The following OR2V2 variants were observed in gnomAD, a reference collection of about 807,000 sequenced individuals.
OR2V2 encodes olfactory receptor family 2 subfamily V member 2, also known as olfactory receptor 2V2.
For missense variants in OR2V2, 392 were observed against 392.2 expected (o/e 1.00, Z 0.00); for synonymous variants, 161 against 151.3 (o/e 1.06, Z -0.47).
chr5:181,155,340 A>C lies in OR2V2; in HGVS notation c.398A>C (p.Tyr133Ser), dbSNP rs759284677. The C allele has an allele frequency of 6.2e-7, 1 of 1,614,048 alleles. No homozygotes were observed. Among genetic ancestry groups the C allele is most frequent in the Non-Finnish European group, 8.5e-7 (1 of 1,179,992 alleles). ...GTGGCCATTAGCCACCCACTTCACT[A>C]TCCCATCCTCATGAATCAGAGGGTC... Reference protein sequence around the residue: ...RYVAISHPLHYPILMNQRVCL... With the variant: ...RYVAISHPLHSPILMNQRVCL... Residue 133 changes from tyrosine (Y) to serine (S), a missense_variant, in exon 2 of 2, where the codon TAT (tyrosine) becomes TCT (serine). Transcript: ENST00000641492.
chr5:181,151,500 G>A (rs956221273), intron 1 of OR2V2, among the ~76,000 whole-genome samples: 2 of 152,220 alleles, frequency 1.3e-5, no homozygotes, highest in African/African-American at 4.8e-5. Context: ...GGTGCCACGT[G>A]CATGGGAAGG....
chr5:181,155,010 C>T lies in OR2V2; in HGVS notation c.68C>T (p.Thr23Ile), dbSNP rs756871080. The change falls in exon 2 of 2, where the codon ACT becomes ATT. Residue 23 changes from threonine to isoleucine, a missense_variant. Thr to Ile is a moderately conservative substitution (Grantham distance 89). Coordinates refer to ENST00000641492, the MANE Select transcript of OR2V2 (RefSeq NM_206880.2). The stretch of plus-strand genomic sequence containing the variant: ...CTCTTAGGCATCTTCTCCCACAGTA[C>T]TGCTGACCTTGTCCTCTTCTCCGTG... ...FFLLGIFSHS[T>I]ADLVLFSVVM... is the part of the protein sequence containing the mutation. 8 of 1,613,618 alleles carry T rather than the reference C, an allele frequency of 5.0e-6. No individual in the cohort carries two copies. In the Admixed American group the frequency reaches 6.7e-5, roughly 13 times the overall value.
rs1355726886 is a variant in OR2V2, at chr5:181,157,714, TCTC to T, written c.*1828_*1830del. 1 of 152,182 alleles carries T rather than the reference TCTC, an allele frequency of 6.6e-6. No homozygotes were observed. The highest frequency in any genetic ancestry group is 1.5e-5 in the Non-Finnish European group (1 of 68,030). The allele number at this position is 152,182 out of a possible 1,614,324, so 9.4% of individuals were successfully genotyped here. On this transcript the variant is annotated 3_prime_UTR_variant, in exon 2 of 2. Transcript: ENST00000641492. ...TAATATCAAATATCTTTCTGTGTAT[TCTC>T]CTCATTTTCATCATATCTTTTTGCC...
At chr5:181,153,474 C>T (rs1174386950) in intron 1 of OR2V2, among the ~76,000 whole-genome samples, 2 of 152,040 alleles carry the variant, frequency 1.3e-5, no homozygotes, top group African/African-American at 2.4e-5. Context: ...ATCGCTTGGG[C>T]TCAGGAGCTC....
At position 181,157,587 on chromosome 5, in the gene OR2V2, C is replaced by T. The variant is rs961485344; in HGVS notation, c.*1697C>T. Reference sequence around the variant, plus strand: ...GAAGTAACTTTCCTTAGTCACGGGGCTGCAAGATTTTCCACTGTGTAGATG... The same window carrying T: ...GAAGTAACTTTCCTTAGTCACGGGGTTGCAAGATTTTCCACTGTGTAGATG... On this transcript the variant is annotated 3_prime_UTR_variant, in exon 2 of 2. Coordinates refer to ENST00000641492, the MANE Select transcript of OR2V2 (RefSeq NM_206880.2). 6.6e-6 allele frequency: 1 copy of T among 152,260 alleles called. No individual in the cohort carries two copies. Among genetic ancestry groups the T allele is most frequent in the African/African-American group, 2.4e-5 (1 of 41,462 alleles). The allele number at this position is 152,260 out of a possible 1,614,324, so 9.4% of individuals were successfully genotyped here. A position where few individuals can be genotyped will look rare whatever the true frequency, so the allele number is the denominator to read the frequency against.
chr5:181,155,666 T>C lies in OR2V2; in HGVS notation c.724T>C (p.Cys242Arg), dbSNP rs1170879153. The change falls in exon 2 of 2, where the codon TGC becomes CGC. Residue 242 changes from cysteine (C) to arginine (R), a missense_variant. Cys to Arg is a radical substitution (Grantham distance 180). Transcript: ENST00000641492. ...AQAWKKALAT[C>R]SSHLTAVTLF... is the part of the protein sequence containing the mutation. ...GGCCTGGAAAAAGGCCCTGGCCACC[T>C]GCTCCTCCCACCTGACAGCTGTCAC... 1 of 1,614,202 alleles carries C rather than the reference T, an allele frequency of 6.2e-7. No individual in the cohort carries two copies.
rs1325107378 is a variant in OR2V2 at position 181,157,621 on chromosome 5, T to C, written c.*1731T>C. ...TTTCCACTGTGTAGATGGATCTTAG[T>C]GTATTCTGTGACCACTTGCTGATAT... On this transcript the variant is annotated 3_prime_UTR_variant, in exon 2 of 2. Transcript: ENST00000641492. 6.6e-6 allele frequency: 1 copy of C among 152,124 alleles called. No individual in the cohort carries two copies. Among genetic ancestry groups the C allele is most frequent in the Non-Finnish European group, 1.5e-5 (1 of 68,018 alleles). 9.4% of individuals were successfully genotyped at this position (152,124 alleles called of 1,614,324 possible).
At chr5:181,148,623 G>A (rs1018791231) in intron 1 of OR2V2, among the ~76,000 whole-genome samples, 17 of 152,254 alleles carry the variant, frequency 1.1e-4, no homozygotes, top group Non-Finnish European at 7.3e-5. Flanking sequence ...CACTGGTCCA[G>A]GAGCCAGGGA....
In OR2V2 at chr5:181,153,143, T is replaced by C. The variant is rs531504032; in HGVS notation, c.-24-1776T>C. On this transcript the variant is annotated intron_variant, in intron 1 of 1. Transcript: ENST00000641492. ...GGCCTAAGGAAAACTGGGAACTCCT[T>C]GGAGGGCGAAGACAAGGCTCAGCCG... Among the ~76,000 whole-genome samples, 22 of 152,276 alleles carry C rather than the reference T, an allele frequency of 1.4e-4. No individual in the cohort carries two copies. In the South Asian group the frequency reaches 3.9e-3, roughly 27 times the overall value.
rs1288660617 is a variant in OR2V2 at position 181,147,976 on chromosome 5, C to T, written c.-44C>T. On this transcript the variant is annotated 5_prime_UTR_variant, in exon 1 of 2. Coordinates refer to ENST00000641492, the MANE Select transcript of OR2V2 (RefSeq NM_206880.2). ...AGGTGACTCTGCTGAGTTTGTTCCCCTGCAGGGACCCACCCACAGGTGAGT... is the reference window on the plus strand; with the variant it reads ...AGGTGACTCTGCTGAGTTTGTTCCCTTGCAGGGACCCACCCACAGGTGAGT... 2.5e-6 allele frequency: 1 copy of T among 398,342 alleles called. No homozygotes were observed. The highest frequency in any genetic ancestry group is 4.4e-6 in the Non-Finnish European group (1 of 226,098). 24.7% of individuals were successfully genotyped at this position (398,342 alleles called of 1,614,324 possible).
chr5:181,151,753 G>C (rs550267692), intron 1 of OR2V2, among the ~76,000 whole-genome samples: 1 of 152,128 alleles, frequency 6.6e-6, no homozygotes, highest in African/African-American at 2.4e-5. Flanking sequence ...TCCCATGACG[G>C]CTTTGGCATT....
Position 181,155,355 on chromosome 5 carries a change from A to G in OR2V2, c.413A>G (p.Asn138Ser). 1.2e-6 allele frequency: 2 copies of G among 1,614,150 alleles called. No homozygotes were observed. Among genetic ancestry groups the G allele is most frequent in the East Asian group, 2.2e-5 (1 of 44,888 alleles). The change falls in exon 2 of 2, where the codon AAT becomes AGT. Residue 138 changes from asparagine (N) to serine (S), a missense_variant. Asn to Ser is a conservative substitution (Grantham distance 46). Transcript: ENST00000641492. ...SHPLHYPILMNQRVCLQITGS... is the reference protein window; with the variant it reads ...SHPLHYPILMSQRVCLQITGS... ...CCACTTCACTATCCCATCCTCATGA[A>G]TCAGAGGGTCTGTCTCCAGATTACT...
chr5:181,155,810 AT>A lies in OR2V2; in HGVS notation c.871del (p.Tyr291ThrfsTer3), dbSNP rs1763257145. 1 of 1,613,934 alleles carries A rather than the reference AT, an allele frequency of 6.2e-7. No individual in the cohort carries two copies. Among genetic ancestry groups the A allele is most frequent in the Non-Finnish European group, 8.5e-7 (1 of 1,180,012 alleles). On this transcript the variant is annotated frameshift_variant, in exon 2 of 2. Transcript: ENST00000641492. LOFTEE classifies it low-confidence loss of function (END_TRUNC). The stretch of plus-strand genomic sequence containing the variant: ...CCTTACTCCCATGCTCAACCCCCTC[AT>A]TTACAGCTTGAGGAACAGGGAGGTG... ...TVLTPMLNPL[I>X]YSLRNREVMG...
intron 1 of OR2V2, among the ~76,000 whole-genome samples, chr5:181,150,545 T>C (rs546835148): frequency 6.6e-6 from 1 of 152,262 alleles, no homozygotes; most frequent in South Asian, 2.1e-4. Context: ...GCAGCTGCAT[T>C]TCACTTCATG....
In OR2V2 at chr5:181,150,192, C is replaced by T. The variant is rs888009722; in HGVS notation, c.-25+2197C>T. ...ACATCTTCTAGGGCACAAGTCAGGA[C>T]GTGCTCCGCTCTGTGGAACACAGCT... On this transcript the variant is annotated intron_variant, in intron 1 of 1. Coordinates refer to ENST00000641492, the MANE Select transcript of OR2V2 (RefSeq NM_206880.2). Among the ~76,000 whole-genome samples, 5 of 152,354 alleles carry T rather than the reference C, an allele frequency of 3.3e-5. No homozygotes were observed. The East Asian group carries it at 7.7e-4, about 23-fold the overall frequency.
In OR2V2 at chr5:181,155,508, C is replaced by A; in HGVS notation, c.566C>A (p.Ala189Asp). 6.2e-7 allele frequency: 1 copy of A among 1,614,202 alleles called. No individual in the cohort carries two copies. Among genetic ancestry groups the A allele is most frequent in the African/African-American group, 1.3e-5 (1 of 75,044 alleles). ...FCEMLSLLKL[A>D]CVDTSLFEKV... ...GAGATGCTATCCTTGTTGAAGCTGGCCTGTGTAGACACATCCCTGTTTGAG... is the reference window on the plus strand; with the variant it reads ...GAGATGCTATCCTTGTTGAAGCTGGACTGTGTAGACACATCCCTGTTTGAG... Residue 189 changes from alanine to aspartate, a missense_variant, in exon 2 of 2, where the codon GCC becomes GAC. By Grantham distance (126) the Ala-to-Asp change is moderately radical. Coordinates refer to ENST00000641492, the MANE Select transcript of OR2V2 (RefSeq NM_206880.2).
Position 181,150,152 on chromosome 5 carries a change from C to T in OR2V2, c.-25+2157C>T, listed in dbSNP as rs555025756. On this transcript the variant is annotated intron_variant, in intron 1 of 1. Coordinates refer to ENST00000641492, the MANE Select transcript of OR2V2 (RefSeq NM_206880.2). Reference sequence around the variant, plus strand: ...CATCATACGTAGGTGTTGTTGCTGGCAAGGACCCCTGGGCACATCTTCTAG... The same window carrying T: ...CATCATACGTAGGTGTTGTTGCTGGTAAGGACCCCTGGGCACATCTTCTAG... Among the ~76,000 whole-genome samples the T allele has an allele frequency of 1.4e-4, 21 of 152,312 alleles. No individual in the cohort carries two copies. The South Asian group carries it at 1.9e-3, about 14-fold the overall frequency.
chr5:181,154,889 C>G (rs1285930135), intron 1 of OR2V2, 30 bp from the exon 2 acceptor site: 2 of 1,209,314 alleles, frequency 1.7e-6, no homozygotes, highest in Middle Eastern at 1.9e-4. Context: ...AGATGTCAGT[C>G]AATGTAACAC....
rs1399847393 is a variant in OR2V2, at chr5:181,155,979, C to T, written c.*89C>T. On this transcript the variant is annotated 3_prime_UTR_variant, in exon 2 of 2. Transcript: ENST00000641492. ...CTCTCATTTTCAGTCTTGGTTTCCT[C>T]GTGAATTATGATGATTGTGACACCC... 52 of 1,265,876 alleles carry T rather than the reference C, an allele frequency of 4.1e-5. No individual in the cohort carries two copies. The South Asian group carries it at 7.5e-4, about 18-fold the overall frequency. 78.4% of individuals were successfully genotyped at this position (1,265,876 alleles called of 1,614,324 possible).
Sources: gnomAD v4.1 joint callset for allele counts (sites outside exome capture counted in the v4.1 genomes callset) on GRCh38, gnomAD v4.1.1 for gene constraint, MANE v1.5 for transcripts, NCBI Gene and HGNC (gene_info 2026-07-23, HGNC 2026-07-21) for gene names.